Variants in TRHDE observed in about 807,000 individuals in gnomAD.
TRHDE encodes thyrotropin-releasing hormone-degrading ectoenzyme.
Under a neutral mutation model 125.7 loss-of-function variants are expected in TRHDE, and 72 were observed. The observed-to-expected ratio is 0.57, with a 90% CI of 0.47 to 0.70. The LOEUF (loss-of-function observed/expected upper bound fraction) is 0.70. Ranked by LOEUF, TRHDE falls within the 30% of genes least tolerant of loss-of-function variation. TRHDE has a pLI of 0.00. For missense variants in TRHDE, 1,110 were observed against 1,327.1 expected, an observed-to-expected ratio of 0.84 and a Z score of 2.54; for synonymous variants, 509 against 509.1, an observed-to-expected ratio of 1.00 and a Z score of 0.00.
intron 2 of TRHDE, among the ~76,000 whole-genome samples, chr12:72,142,127 C>T (rs992732342): frequency 6.6e-6 from 1 of 151,020 alleles, no homozygotes. Context: ...TTCCTAAACA[C>T]ACCGTGCCTG....
chr12:72,111,155 C>A (rs1875306423), intron 2 of TRHDE, among the ~76,000 whole-genome samples: 1 of 152,134 alleles, frequency 6.6e-6, no homozygotes, highest in Admixed American at 6.6e-5. Context: ...TGTTTTCTGG[C>A]TGTTGAACGT....
At chr12:72,400,528 A>G (rs961832588) in intron 3 of TRHDE, among the ~76,000 whole-genome samples, 18 of 152,276 alleles carry the variant, frequency 1.2e-4, no homozygotes, top group African/African-American at 4.3e-4. Context: ...TCATTTATAG[A>G]TATTAGATAT....
At chr12:72,652,194 A>G (rs915068855) in intron 15 of TRHDE, 128 bp from the exon 16 acceptor site, 6 of 470,598 alleles carry the variant, frequency 1.3e-5, no homozygotes, top group African/African-American at 4.0e-5. Context: ...ATTCTGTTTC[A>G]GGTAAAATCT....
At chr12:72,381,955 A>C (rs1192997613) in intron 3 of TRHDE, among the ~76,000 whole-genome samples, 1 of 151,840 alleles carries the variant, frequency 6.6e-6, no homozygotes, top group African/African-American at 2.4e-5. Context: ...AGAGAGGTAC[A>C]TTTGCCAGAA....
intron 9 of TRHDE, among the ~76,000 whole-genome samples, chr12:72,568,050 A>G (rs116857548): frequency 2.5e-4 from 38 of 152,142 alleles, no homozygotes; most frequent in Non-Finnish European, 5.4e-4. Flanking sequence ...TGGGAATCTG[A>G]CTAGTTTTTT....
intron 3 of TRHDE, among the ~76,000 whole-genome samples, chr12:72,430,307 A>G (rs1414425424): frequency 1.4e-5 from 2 of 143,372 alleles, no homozygotes; most frequent in East Asian, 2.0e-4. Context: ...ATGTATATAT[A>G]TGTATATATA....
chr12:72,600,598 T>G (rs1285040836), intron 12 of TRHDE, among the ~76,000 whole-genome samples: 1 of 152,172 alleles, frequency 6.6e-6, no homozygotes, highest in Non-Finnish European at 1.5e-5. Flanking sequence ...TAATTTTGTT[T>G]TCTAAAACTT....
chr12:72,414,328 G>A (rs1396304602), intron 3 of TRHDE, among the ~76,000 whole-genome samples: 1 of 152,038 alleles, frequency 6.6e-6, no homozygotes, highest in Non-Finnish European at 1.5e-5. Flanking sequence ...AAATTTGAAA[G>A]ACTAATGGAG....
intron 12 of TRHDE, among the ~76,000 whole-genome samples, chr12:72,576,879 T>A (rs1386621902): frequency 6.6e-6 from 1 of 152,092 alleles, no homozygotes; most frequent in Non-Finnish European, 1.5e-5. Flanking sequence ...AATTAATGTA[T>A]TTGTGTAATA....
intron 5 of TRHDE, among the ~76,000 whole-genome samples, chr12:72,481,923 A>C (rs1877192253): frequency 6.6e-6 from 1 of 151,886 alleles, no homozygotes; most frequent in Non-Finnish European, 1.5e-5. Context: ...AATTCCCTTA[A>C]TCATTTTAGT....
intron 3 of TRHDE, among the ~76,000 whole-genome samples, chr12:72,465,685 T>C (rs1425460639): frequency 1.3e-5 from 2 of 152,192 alleles, no homozygotes; most frequent in Non-Finnish European, 2.9e-5. Flanking sequence ...TGTGTACAAA[T>C]GTTTGTGTAG....
intron 2 of TRHDE, among the ~76,000 whole-genome samples, chr12:72,175,384 G>C (rs1392479589): frequency 6.6e-6 from 1 of 152,156 alleles, no homozygotes; most frequent in Non-Finnish European, 1.5e-5. Flanking sequence ...GCCTCAATGG[G>C]ATTTTTTGAA....
At chr12:72,287,055 T>A (rs918917768) in intron 2 of TRHDE, 101 bp downstream of exon 2, 1 of 1,219,526 alleles carries the variant, frequency 8.2e-7, no homozygotes, top group Non-Finnish European at 1.1e-6. Flanking sequence ...TTTTTACACC[T>A]TATATAGTGG....
chr12:72,180,045 A>G (rs1877064965), intron 2 of TRHDE, among the ~76,000 whole-genome samples: 1 of 151,798 alleles, frequency 6.6e-6, no homozygotes, highest in African/African-American at 2.4e-5. Flanking sequence ...ATTACTACTA[A>G]TAATTACTAT....
chr12:72,472,780 C>T (rs116108888), intron 4 of TRHDE, among the ~76,000 whole-genome samples: 2,907 of 152,250 alleles, frequency 0.019, 85 homozygotes, highest in African/African-American at 0.067. Context: ...AGACAGCTCT[C>T]ATCAGTTTTT....
upstream of TRHDE, among the ~76,000 whole-genome samples, chr12:72,269,871 T>G (rs1879155814): frequency 6.6e-6 from 1 of 152,226 alleles, no homozygotes; most frequent in Non-Finnish European, 1.5e-5. Context: ...TTGAATCTTT[T>G]CTTGACTAAT....
At chr12:72,190,199 G>C (rs1315898818) in intron 2 of TRHDE, among the ~76,000 whole-genome samples, 1 of 152,080 alleles carries the variant, frequency 6.6e-6, no homozygotes, top group Non-Finnish European at 1.5e-5. Context: ...GTAAAAGCAG[G>C]TGACTCACAT....
intron 12 of TRHDE, among the ~76,000 whole-genome samples, chr12:72,597,529 G>A (rs1023654146): frequency 1.3e-4 from 19 of 151,130 alleles, no homozygotes; most frequent in Admixed American, 3.3e-4. Flanking sequence ...TTAGCCAGGC[G>A]TGGTGGCATG....
chr12:72,325,043 A>G (rs996363202), intron 2 of TRHDE, among the ~76,000 whole-genome samples: 3 of 152,122 alleles, frequency 2.0e-5, no homozygotes, highest in African/African-American at 7.2e-5. Context: ...GGGGATACCA[A>G]AAGAAAGGGG....
Sources: allele counts gnomAD v4.1 joint callset (sites outside exome capture counted in the v4.1 genomes callset), GRCh38; gene constraint gnomAD v4.1.1; transcripts MANE v1.5; gene names NCBI Gene and HGNC (gene_info 2026-07-23, HGNC 2026-07-21).